The following DDX39B variants were observed in gnomAD, a reference collection of about 807,000 sequenced individuals.
DDX39B encodes the protein spliceosome RNA helicase DDX39B.
In DDX39B, 6 loss-of-function variants were observed where a neutral mutation model predicts 46.4. The ratio of observed to expected loss-of-function variants is 0.13; its 90% CI spans 0.07 to 0.26. DDX39B has a LOEUF of 0.26. Ranked by LOEUF, DDX39B falls within the 10% of genes least tolerant of loss-of-function variation. The pLI, the probability that DDX39B is intolerant of heterozygous loss-of-function variation, is 1.00. For synonymous variants in DDX39B, 174 were observed against 199.4 expected (o/e 0.87, Z 1.07); for missense variants, 185 against 553.4 (o/e 0.33, Z 6.68).
chr6:31,535,031 G>T lies in DDX39B; in HGVS notation c.735+336C>A, dbSNP rs962492799. On this transcript the variant is annotated intron_variant, in intron 6 of 10. Transcript: ENST00000396172. The surrounding 1 kb of genome is among the most constrained non-coding windows in gnomAD (Gnocchi z 4.6). ...GAGGGTGCGTGGCTGTAGGGTGCAT[G>T]TAAGAGACGATGGATGGGTGGGTGG... 5.0e-6 allele frequency: 2 copies of T among 396,750 alleles called. No homozygotes were observed. Among genetic ancestry groups the T allele is most frequent in the Non-Finnish European group, 9.5e-6 (2 of 209,492 alleles). The allele number at this position is 396,750 out of a possible 1,614,324, so 24.6% of individuals were successfully genotyped here.
In DDX39B at chr6:31,530,258, T is replaced by C. The variant is rs1767003280; in HGVS notation, c.*176A>G. Reference sequence around the variant, plus strand: ...GACACATGTGTTTCATTTTTAGTTTTGTTAAAAAAAAATTCTGACAAATCA... The same window carrying C: ...GACACATGTGTTTCATTTTTAGTTTCGTTAAAAAAAAATTCTGACAAATCA... On this transcript the variant is annotated 3_prime_UTR_variant, in exon 11 of 11. Transcript: ENST00000396172. The surrounding 1 kb of genome is among the most constrained non-coding windows in gnomAD (Gnocchi z 4.5). The C allele has an allele frequency of 1.1e-6, 1 of 882,102 alleles. No homozygotes were observed. The highest frequency in any genetic ancestry group is 1.7e-6 in the Non-Finnish European group (1 of 584,028). 54.6% of individuals were successfully genotyped at this position (882,102 alleles called of 1,614,324 possible).
chr6:31,541,787 G>C, intron 1 of DDX39B, 163 bp downstream of exon 1: 1 of 664,856 alleles, frequency 1.5e-6, no homozygotes, highest in Non-Finnish European at 2.8e-6. Flanking sequence ...CTTCCCCCAG[G>C]AGCTCTTTGC....
intron 4 of DDX39B, 73 bp downstream of exon 4, chr6:31,538,690 C>T (rs1768056870): frequency 7.4e-7 from 1 of 1,352,010 alleles, no homozygotes; most frequent in Non-Finnish European, 1.0e-6. Context: ...ATTAAAGAGA[C>T]TATTGGCCTA....
chr6:31,535,341 G>A lies in DDX39B; in HGVS notation c.735+26C>T, dbSNP rs7753431. The A allele has an allele frequency of 0.012, 18,503 of 1,603,922 alleles. 393 individuals carry two copies. The highest frequency in any genetic ancestry group is 0.06 in the South Asian group (5,484 of 90,872). ...GAGGAGGCAGCGGGCGGGGAGTGGA[G>A]GGAGAGAAGGTAGAAGGGTATTTAC... On this transcript the variant is annotated intron_variant, in intron 6 of 10. Coordinates refer to ENST00000396172, the MANE Select transcript of DDX39B (RefSeq NM_004640.7). This position sits in a 1 kb window ranked among gnomAD's most constrained non-coding sequence, Gnocchi z 4.6.
chr6:31,538,646 C>G, intron 4 of DDX39B, 117 bp downstream of exon 4: 3 of 927,314 alleles, frequency 3.2e-6, no homozygotes, highest in Non-Finnish European at 4.8e-6. Context: ...ACTCAACACT[C>G]TGTTACACCA....
At position 31,538,732 on chromosome 6, in the gene DDX39B, C is replaced by G. The variant is rs1205776062; in HGVS notation, c.432+31G>C. On this transcript the variant is annotated intron_variant, in intron 4 of 10. Coordinates refer to ENST00000396172, the MANE Select transcript of DDX39B (RefSeq NM_004640.7). ...TCTTATCCCTCCAACTTGCCACACC[C>G]TCACTCTCAGGTCTCTTTACCTTGG... The G allele has an allele frequency of 3.8e-6, 6 of 1,589,080 alleles. No homozygotes were observed. The African/African-American group carries it at 8.1e-5, about 22-fold the overall frequency.
In DDX39B at chr6:31,535,350, G is replaced by A; in HGVS notation, c.735+17C>T. ...GCGGGCGGGGAGTGGAGGGAGAGAA[G>A]GTAGAAGGGTATTTACATCTTGCAT... On this transcript the variant is annotated intron_variant, in intron 6 of 10. Transcript: ENST00000396172. The surrounding 1 kb of genome is among the most constrained non-coding windows in gnomAD (Gnocchi z 4.6). The A allele has an allele frequency of 6.2e-7, 1 of 1,609,958 alleles. No homozygotes were observed. The highest frequency in any genetic ancestry group is 1.1e-5 in the South Asian group (1 of 91,000).
Position 31,541,966 on chromosome 6 carries a change from C to T in DDX39B, c.-149G>A. ...AAAGCTTACCTAAACAGGGAGAGCG[C>T]GTATGGCGGCAGCAACAGCGACGAA... is the stretch of plus-strand genomic sequence containing the variant. On this transcript the variant is annotated 5_prime_UTR_variant, in exon 1 of 11. Coordinates refer to ENST00000396172, the MANE Select transcript of DDX39B (RefSeq NM_004640.7). 1 of 673,146 alleles carries T rather than the reference C, an allele frequency of 1.5e-6. No individual in the cohort carries two copies. The allele number at this position is 673,146 out of a possible 1,614,324, so 41.7% of individuals were successfully genotyped here.
At position 31,534,142 on chromosome 6, in the gene DDX39B, T is replaced by C; in HGVS notation, c.735+1225A>G. 1 of 171,396 alleles carries C rather than the reference T, an allele frequency of 5.8e-6. No homozygotes were observed. Among genetic ancestry groups the C allele is most frequent in the East Asian group, 1.7e-4 (1 of 5,920 alleles). 10.6% of individuals were successfully genotyped at this position (171,396 alleles called of 1,614,324 possible). ...CTCCTGCCTCAGCTTCCCAAGTAGC[T>C]GGGACTACAGGCATGCGCCACCACG... is the stretch of plus-strand genomic sequence containing the variant. On this transcript the variant is annotated intron_variant, in intron 6 of 10. Transcript: ENST00000396172. This position sits in a 1 kb window ranked among gnomAD's most constrained non-coding sequence, Gnocchi z 5.1.
At chr6:31,539,301 A>G (rs772529969) in intron 2 of DDX39B, 27 bp from the exon 3 acceptor site, 4 of 1,605,044 alleles carry the variant, frequency 2.5e-6, no homozygotes, top group Non-Finnish European at 3.4e-6. Context: ...GAGGAAGATA[A>G]ATTAGACTTC....
chr6:31,532,719 C>T (rs1767310971), intron 7 of DDX39B, 61 bp downstream of exon 7: 2 of 1,585,930 alleles, frequency 1.3e-6, no homozygotes. Flanking sequence ...ACTTAATATC[C>T]AGGTTTCTGC....
intron 6 of DDX39B, chr6:31,533,438 T>C (rs932712093): frequency 6.2e-6 from 1 of 160,034 alleles, no homozygotes; most frequent in African/African-American, 2.4e-5. Flanking sequence ...TCTTTTAAGA[T>C]CAGAATGCTG....
chr6:31,531,275 T>C lies in DDX39B; in HGVS notation c.977+21A>G, dbSNP rs1767126690. 6.2e-7 allele frequency: 1 copy of C among 1,614,150 alleles called. No individual in the cohort carries two copies. The highest frequency in any genetic ancestry group is 8.5e-7 in the Non-Finnish European group (1 of 1,180,014). On this transcript the variant is annotated intron_variant, in intron 8 of 10. Coordinates refer to ENST00000396172, the MANE Select transcript of DDX39B (RefSeq NM_004640.7). This position sits in a 1 kb window ranked among gnomAD's most constrained non-coding sequence, Gnocchi z 5.8. Reference sequence around the variant, plus strand: ...CTTTTTCTCCCAAGGACACAAAATATCTTTCCCATCTTCAGCTCACCTCTC... The same window carrying C: ...CTTTTTCTCCCAAGGACACAAAATACCTTTCCCATCTTCAGCTCACCTCTC...
At chr6:31,541,738 G>A (rs747345145) in intron 1 of DDX39B, 4 of 619,906 alleles carry the variant, frequency 6.5e-6, no homozygotes, top group East Asian at 7.1e-5. Context: ...TGGCGCCGAG[G>A]ACACCATCTT....
At chr6:31,536,324 C>A in intron 5 of DDX39B, 176 bp downstream of exon 5, 1 of 883,336 alleles carries the variant, frequency 1.1e-6, no homozygotes, top group Middle Eastern at 2.2e-4. Context: ...TGATAGATGA[C>A]ACCCTTTACT....
chr6:31,533,024 A>T, intron 6 of DDX39B, 113 bp from the exon 7 acceptor site: 1 of 632,416 alleles, frequency 1.6e-6, no homozygotes. Context: ...TGGGGAGGAA[A>T]GAGAAGATTG....
chr6:31,535,343 G>A lies in DDX39B; in HGVS notation c.735+24C>T. ...GGAGGCAGCGGGCGGGGAGTGGAGG[G>A]AGAGAAGGTAGAAGGGTATTTACAT... On this transcript the variant is annotated intron_variant, in intron 6 of 10. Coordinates refer to ENST00000396172, the MANE Select transcript of DDX39B (RefSeq NM_004640.7). This position sits in a 1 kb window ranked among gnomAD's most constrained non-coding sequence, Gnocchi z 4.6. 6.2e-7 allele frequency: 1 copy of A among 1,605,578 alleles called. No homozygotes were observed. The highest frequency in any genetic ancestry group is 2.2e-5 in the East Asian group (1 of 44,812).
In DDX39B at chr6:31,536,561, G is replaced by A. The variant is rs1767802521; in HGVS notation, c.555C>T (p.Leu185=). The change falls in exon 5 of 11, where the codon CTC becomes CTT. Residue 185 remains leucine (L), a synonymous_variant. Coordinates refer to ENST00000396172, the MANE Select transcript of DDX39B (RefSeq NM_004640.7). Reference sequence around the variant, plus strand: ...TAAAGTGTTTAATGTGTTTGAGGTTGAGGCTCTTATTTCGAGCCAGGGCTA... The same window carrying A: ...TAAAGTGTTTAATGTGTTTGAGGTTAAGGCTCTTATTTCGAGCCAGGGCTA... ...RILALARNKS[L]NLKHIKHFIL... is the part of the protein sequence containing the mutation. 2 of 1,613,124 alleles carry A rather than the reference G, an allele frequency of 1.2e-6. No individual in the cohort carries two copies. Among genetic ancestry groups the A allele is most frequent in the African/African-American group, 2.7e-5 (2 of 74,908 alleles).
In DDX39B at chr6:31,539,293, G is replaced by A; in HGVS notation, c.212-19C>T. ...TGCTGGACTAAAAGTTGGGGGGGGA[G>A]GAAGATAAATTAGACTTCAGTCTCC... On this transcript the variant is annotated intron_variant, in intron 2 of 10. Coordinates refer to ENST00000396172, the MANE Select transcript of DDX39B (RefSeq NM_004640.7). The A allele has an allele frequency of 6.2e-7, 1 of 1,606,034 alleles. No individual in the cohort carries two copies. Among genetic ancestry groups the A allele is most frequent in the South Asian group, 1.1e-5 (1 of 90,890 alleles).
Sources: gnomAD v4.1 joint callset for allele counts on GRCh38, gnomAD v4.1.1 for gene constraint, Gnocchi (gnomAD v3.1) non-coding constraint, MANE v1.5 for transcripts, NCBI Gene and HGNC (gene_info 2026-07-23, HGNC 2026-07-21) for gene names.